LRP1B: variants seen among roughly 807,000 people sequenced by gnomAD.
LRP1B encodes LDL receptor related protein 1B, also known as low-density lipoprotein receptor-related protein 1B.
In LRP1B, 217 loss-of-function variants were observed where a neutral mutation model predicts 556.6. The ratio of observed to expected loss-of-function variants is 0.39; its 90% CI spans 0.35 to 0.44. The LOEUF is 0.44. LRP1B is among the 20% of genes least tolerant of loss of function. The pLI is 1.00. For missense variants in LRP1B, 5,053 were observed against 5,620.8 expected, an observed-to-expected ratio of 0.90 and a Z score of 3.23; for synonymous variants, 2,047 against 1,865.8, an observed-to-expected ratio of 1.10 and a Z score of -2.50.
At chr2:141,585,138 T>C (rs1189289489) in intron 2 of LRP1B, among the ~76,000 whole-genome samples, 1 of 152,182 alleles carries the variant, frequency 6.6e-6, no homozygotes, top group Admixed American at 6.5e-5. Context: ...CAACCTGTTA[T>C]CCCTTGTAAT....
intron 11 of LRP1B, among the ~76,000 whole-genome samples, chr2:141,041,373 T>C (rs1698692024): frequency 6.6e-6 from 1 of 152,090 alleles, no homozygotes. Context: ...AAAGTCTAGG[T>C]GCAAGCAGAG....
chr2:141,472,906 T>C (rs1356684084), intron 3 of LRP1B, among the ~76,000 whole-genome samples: 1 of 152,146 alleles, frequency 6.6e-6, no homozygotes, highest in East Asian at 1.9e-4. Context: ...AATATTAACA[T>C]TCATCAAAGA....
At chr2:141,181,396 T>C (rs1199632637) in intron 7 of LRP1B, among the ~76,000 whole-genome samples, 1 of 151,960 alleles carries the variant, frequency 6.6e-6, no homozygotes, top group Non-Finnish European at 1.5e-5. Context: ...CTTTACCTAT[T>C]TGAGTGGACA....
chr2:140,867,185 C>T (rs981368813), intron 27 of LRP1B, among the ~76,000 whole-genome samples: 4 of 151,890 alleles, frequency 2.6e-5, no homozygotes, highest in Non-Finnish European at 5.9e-5. Flanking sequence ...AGGTGAAATA[C>T]GGAATACATG....
intron 86 of LRP1B, among the ~76,000 whole-genome samples, chr2:140,253,218 A>G (rs1681530847): frequency 6.6e-6 from 1 of 152,082 alleles, no homozygotes; most frequent in Non-Finnish European, 1.5e-5. Flanking sequence ...TAAGATCAGT[A>G]AGTCAAAACT....
chr2:142,020,636 A>C (rs1334273153), intron 1 of LRP1B, among the ~76,000 whole-genome samples: 1 of 152,176 alleles, frequency 6.6e-6, no homozygotes, highest in African/African-American at 2.4e-5. Flanking sequence ...CTAACCACAG[A>C]GAATGTTCAG....
intron 43 of LRP1B, among the ~76,000 whole-genome samples, chr2:140,596,336 T>TAA (rs1020365506): frequency 1.5e-4 from 23 of 152,310 alleles, no homozygotes; most frequent in African/African-American, 5.3e-4. Context: ...TCTATGTCTC[T>TAA]ATTAGAGAGC....
chr2:140,561,702 AT>A (rs1680936953), intron 43 of LRP1B, among the ~76,000 whole-genome samples: 1 of 152,090 alleles, frequency 6.6e-6, no homozygotes, highest in Non-Finnish European at 1.5e-5. Context: ...ATCTATACAA[AT>A]TTCCTCAAAA....
intron 3 of LRP1B, among the ~76,000 whole-genome samples, chr2:141,300,059 C>A (rs879636019): frequency 6.6e-6 from 1 of 152,156 alleles, no homozygotes; most frequent in Non-Finnish European, 1.5e-5. Context: ...TCTCTTTATC[C>A]GTCTTTCTGA....
intron 2 of LRP1B, among the ~76,000 whole-genome samples, chr2:141,622,697 CA>C (rs1373255499): frequency 6.6e-6 from 1 of 152,164 alleles, no homozygotes; most frequent in African/African-American, 2.4e-5. Context: ...CAAATAATAT[CA>C]GCCAAATAAT....
intron 43 of LRP1B, among the ~76,000 whole-genome samples, chr2:140,582,856 A>G (rs1257918785): frequency 6.6e-6 from 1 of 152,132 alleles, no homozygotes; most frequent in Admixed American, 6.5e-5. Context: ...CAAGCCCTTT[A>G]ATTTTCCAAC....
chr2:140,238,033 C>A, intron 89 of LRP1B, 119 bp downstream of exon 89: 3 of 834,646 alleles, frequency 3.6e-6, no homozygotes, highest in African/African-American at 1.7e-5. Context: ...TCAATACATC[C>A]TAAAGTCCCT....
intron 23 of LRP1B, among the ~76,000 whole-genome samples, chr2:140,893,245 G>A (rs952930638): frequency 2.6e-5 from 4 of 152,068 alleles, no homozygotes; most frequent in Non-Finnish European, 1.5e-5. Context: ...AACAGAGAAA[G>A]CTCTTACATT....
intron 1 of LRP1B, among the ~76,000 whole-genome samples, chr2:141,996,122 G>A (rs1415185095): frequency 1.3e-5 from 2 of 151,908 alleles, no homozygotes; most frequent in Non-Finnish European, 2.9e-5. Flanking sequence ...CATGGTGGCG[G>A]GCGCCTGCAG....
At chr2:140,317,355 T>C (rs1354066251) in intron 82 of LRP1B, among the ~76,000 whole-genome samples, 1 of 152,020 alleles carries the variant, frequency 6.6e-6, no homozygotes, top group Non-Finnish European at 1.5e-5. Flanking sequence ...GTGGGATGAA[T>C]AAATGTGGAT....
intron 77 of LRP1B, among the ~76,000 whole-genome samples, chr2:140,348,479 T>G (rs1323485440): frequency 6.6e-6 from 1 of 152,066 alleles, no homozygotes; most frequent in Admixed American, 6.6e-5. Flanking sequence ...TAGTAGAAAA[T>G]GCACTCCTAC....
intron 7 of LRP1B, among the ~76,000 whole-genome samples, chr2:141,158,831 A>G (rs1702131488): frequency 6.6e-6 from 1 of 152,170 alleles, no homozygotes; most frequent in South Asian, 2.1e-4. Context: ...TTTAGAGATT[A>G]TAAAATAACA....
chr2:141,047,913 C>A (rs544303164), intron 11 of LRP1B, among the ~76,000 whole-genome samples: 1 of 152,012 alleles, frequency 6.6e-6, no homozygotes, highest in African/African-American at 2.4e-5. Flanking sequence ...TCTGAGTATA[C>A]CCACATAAAG....
chr2:140,504,861 C>T (rs545978191), intron 53 of LRP1B, among the ~76,000 whole-genome samples: 1 of 152,304 alleles, frequency 6.6e-6, no homozygotes, highest in South Asian at 2.1e-4. Flanking sequence ...GTTTATTTCC[C>T]TCTATGGCTC....
Sources: gnomAD v4.1 joint callset for allele counts (sites outside exome capture counted in the v4.1 genomes callset) on GRCh38, gnomAD v4.1.1 for gene constraint, MANE v1.5 for transcripts, NCBI Gene and HGNC (gene_info 2026-07-23, HGNC 2026-07-21) for gene names.